Variants in ZNF469 observed in about 807,000 individuals in gnomAD.
The protein encoded by ZNF469 is zinc finger protein 469.
In ZNF469, 1 loss-of-function variant was observed where a neutral mutation model predicts 1.0. The ratio of observed to expected loss-of-function variants is 1.00; its 90% CI spans 0.35 to 4.73. The LOEUF is 4.73. Ranked by LOEUF, ZNF469 falls within the 30% of genes most tolerant of loss-of-function variation. The probability of loss-of-function intolerance (pLI) is 0.16; values close to 1 mark genes in which losing one functional copy is unlikely to be tolerated. For synonymous variants in ZNF469, 2,703 were observed against 2,363.4 expected (o/e 1.14, Z -4.17); for missense variants, 6,100 against 5,356.3 (o/e 1.14, Z -4.33).
chr16:88,403,030 G>C (rs188718739), intron 1 of ZNF469, among the ~76,000 whole-genome samples: 1 of 152,356 alleles, frequency 6.6e-6, no homozygotes, highest in East Asian at 1.9e-4. Context: ...GTGGACGCGT[G>C]GGAGACATGG....
In ZNF469 at chr16:88,435,429, T is replaced by C. The variant is rs1906500410; in HGVS notation, c.7959T>C (p.Ala2653=). ...AGGAGAGCATTCTTCCAGTCTCTGC[T>C]GATGTGATTTCAGATGGGCGCGGCT... The part of the protein sequence containing the change: ...LREESILPVS[A]DVISDGRGSR... The change falls in exon 3 of 3, where the codon GCT becomes GCC. Residue 2653 remains alanine (A), a synonymous_variant. Transcript: ENST00000565624. 6.5e-7 allele frequency: 1 copy of C among 1,550,186 alleles called. No individual in the cohort carries two copies. The highest frequency in any genetic ancestry group is 8.7e-7 in the Non-Finnish European group (1 of 1,146,966).
chr16:88,369,035 C>A, the ZNF469 span, among the ~76,000 whole-genome samples: 78,062 of 151,270 alleles, frequency 0.52, 22,032 homozygotes, highest in Non-Finnish European at 0.64. Context: ...GCTGAGATTG[C>A]ACCACTGCAC....
At chr16:88,200,983 G>A in the ZNF469 span, among the ~76,000 whole-genome samples, 1 of 152,360 alleles carries the variant, frequency 6.6e-6, no homozygotes, top group African/African-American at 2.4e-5. Flanking sequence ...GTGGGCGAGA[G>A]GGCCGGGCCA....
chr16:88,394,695 G>A (rs1904604774), intron 1 of ZNF469, among the ~76,000 whole-genome samples: 1 of 152,162 alleles, frequency 6.6e-6, no homozygotes, highest in Non-Finnish European at 1.5e-5. Context: ...TGGCCCTGAA[G>A]GCCAGGAGAC....
the ZNF469 span, among the ~76,000 whole-genome samples, chr16:88,104,650 C>T: frequency 6.6e-6 from 1 of 152,256 alleles, no homozygotes; most frequent in African/African-American, 2.4e-5. Context: ...CAGCCTGCAC[C>T]ACCCCAGATG....
chr16:88,119,530 A>G, the ZNF469 span, among the ~76,000 whole-genome samples: 2 of 152,266 alleles, frequency 1.3e-5, no homozygotes, highest in African/African-American at 4.8e-5. Context: ...AGTTTTCGTC[A>G]GAATGCCTCG....
At chr16:88,281,598 G>T in the ZNF469 span, among the ~76,000 whole-genome samples, 1 of 149,224 alleles carries the variant, frequency 6.7e-6, no homozygotes, top group African/African-American at 2.5e-5. Context: ...TGTCAATTTT[G>T]GTGCGTGGGT....
chr16:88,204,665 A>T, the ZNF469 span, among the ~76,000 whole-genome samples: 1 of 152,234 alleles, frequency 6.6e-6, no homozygotes, highest in Non-Finnish European at 1.5e-5. Context: ...AATCAGGCAC[A>T]AGGCACCCAC....
At chr16:88,421,215 C>T (rs948429549) in intron 1 of ZNF469, among the ~76,000 whole-genome samples, 1 of 152,184 alleles carries the variant, frequency 6.6e-6, no homozygotes, top group African/African-American at 2.4e-5. Context: ...GGCATTCCCC[C>T]ACACCCCCAG....
the ZNF469 span, among the ~76,000 whole-genome samples, chr16:88,108,314 C>T: frequency 6.6e-6 from 1 of 152,128 alleles, no homozygotes; most frequent in Non-Finnish European, 1.5e-5. Flanking sequence ...TGCACCGTCA[C>T]ACTGTGGCCC....
chr16:88,190,857 T>C, the ZNF469 span, among the ~76,000 whole-genome samples: 1 of 152,244 alleles, frequency 6.6e-6, no homozygotes, highest in Non-Finnish European at 1.5e-5. Flanking sequence ...AACTGGACTT[T>C]AGAACAATAG....
the ZNF469 span, among the ~76,000 whole-genome samples, chr16:88,325,723 G>T: frequency 6.6e-6 from 1 of 152,202 alleles, no homozygotes; most frequent in African/African-American, 2.4e-5. Flanking sequence ...AGTCTGCAGT[G>T]GGGCCAGGAC....
the ZNF469 span, among the ~76,000 whole-genome samples, chr16:88,230,970 G>A: frequency 6.6e-6 from 1 of 152,132 alleles, no homozygotes; most frequent in South Asian, 2.1e-4. Flanking sequence ...CTCTGGCGAA[G>A]GGACCCAGGA....
the ZNF469 span, among the ~76,000 whole-genome samples, chr16:88,204,074 CCGGTAACCCCATAGAGCAG>C: frequency 6.9e-5 from 10 of 144,912 alleles, no homozygotes; most frequent in South Asian, 4.5e-4. Context: ...CGGGAGGTGC[CCGGTAACCCCATAGAGCAG>C]CCGGAGGTGC....
At position 88,429,551 on chromosome 16, in the gene ZNF469, G is replaced by C; in HGVS notation, c.2081G>C (p.Gly694Ala). 1 of 1,550,160 alleles carries C rather than the reference G, an allele frequency of 6.5e-7. No homozygotes were observed. Among genetic ancestry groups the C allele is most frequent in the Non-Finnish European group, 8.7e-7 (1 of 1,146,860 alleles). The change falls in exon 3 of 3, where the codon GGC becomes GCC. Residue 694 changes from glycine (G) to alanine (A), a missense_variant. Gly to Ala is a moderately conservative substitution (Grantham distance 60, BLOSUM62 0). Transcript: ENST00000565624. ...CLEETPFPHEGPEVGRGGLQG... is the reference protein window; with the variant it reads ...CLEETPFPHEAPEVGRGGLQG... ...GAGGAGACCCCATTCCCCCACGAGG[G>C]CCCCGAGGTGGGTCGGGGAGGGCTG...
chr16:88,137,565 T>G, the ZNF469 span, among the ~76,000 whole-genome samples: 2 of 152,094 alleles, frequency 1.3e-5, no homozygotes, highest in African/African-American at 4.8e-5. Flanking sequence ...CCGCCATGCA[T>G]GTATACAGCT....
the ZNF469 span, among the ~76,000 whole-genome samples, chr16:88,293,353 G>T: frequency 6.6e-6 from 1 of 151,520 alleles, no homozygotes; most frequent in Non-Finnish European, 1.5e-5. Flanking sequence ...TGGATGGATG[G>T]TTAAATGAGT....
chr16:88,254,495 C>T, the ZNF469 span, among the ~76,000 whole-genome samples: 96,423 of 152,072 alleles, frequency 0.63, 31,222 homozygotes, highest in East Asian at 0.95. Context: ...TGGTGGATCA[C>T]GCCTGTAATC....
chr16:88,205,660 C>T, the ZNF469 span, among the ~76,000 whole-genome samples: 1 of 152,186 alleles, frequency 6.6e-6, no homozygotes, highest in Non-Finnish European at 1.5e-5. This position sits in a 1 kb window ranked among gnomAD's most constrained non-coding sequence, Gnocchi z 4.2. Context: ...CAGTACAAGG[C>T]ACGGATGCGG....
Sources: gnomAD v4.1 joint callset for allele counts (sites outside exome capture counted in the v4.1 genomes callset) on GRCh38, gnomAD v4.1.1 for gene constraint, Gnocchi (gnomAD v3.1) non-coding constraint, MANE v1.5 for transcripts, NCBI Gene and HGNC (gene_info 2026-07-23, HGNC 2026-07-21) for gene names.